Variants in MAP3K20 observed in about 807,000 individuals in gnomAD.
MAP3K20 encodes the protein HCCS-4.
Under a neutral mutation model 85.7 loss-of-function variants are expected in MAP3K20, and 40 were observed. The observed-to-expected ratio is 0.47, with a 90% CI of 0.36 to 0.61. The LOEUF is 0.61. Ranked by LOEUF, MAP3K20 falls within the 20% of genes least tolerant of loss-of-function variation. The probability of loss-of-function intolerance (pLI) is 0.00; values close to 1 mark genes in which losing one functional copy is unlikely to be tolerated. For missense variants in MAP3K20, 817 were observed against 961.7 expected, an observed-to-expected ratio of 0.85 and a Z score of 1.99; for synonymous variants, 325 against 327.7, an observed-to-expected ratio of 0.99 and a Z score of 0.09.
At chr2:173,085,905 C>T (rs2106141195) in intron 1 of MAP3K20, among the ~76,000 whole-genome samples, 1 of 139,900 alleles carries the variant, frequency 7.1e-6, no homozygotes, top group African/African-American at 2.6e-5. Flanking sequence ...GAGCAATTCT[C>T]CTGCCTCAAC....
intron 2 of MAP3K20, among the ~76,000 whole-genome samples, chr2:173,099,082 G>A (rs569011864): frequency 6.6e-6 from 1 of 152,150 alleles, no homozygotes; most frequent in Non-Finnish European, 1.5e-5. Context: ...GTCAAAAAGT[G>A]GCGGAGAGGT....
chr2:173,087,905 A>G (rs1687186177), intron 1 of MAP3K20, among the ~76,000 whole-genome samples: 1 of 152,140 alleles, frequency 6.6e-6, no homozygotes, highest in South Asian at 2.1e-4. Context: ...GCGAAATCCA[A>G]AGACAAGGTT....
chr2:173,140,245 C>T (rs911496663), intron 2 of MAP3K20, among the ~76,000 whole-genome samples: 1 of 152,076 alleles, frequency 6.6e-6, no homozygotes, highest in Non-Finnish European at 1.5e-5. Flanking sequence ...CTCATGACCT[C>T]GTGATCCACC....
intron 11 of MAP3K20, chr2:173,225,210 G>C: frequency 1.1e-6 from 1 of 921,926 alleles, no homozygotes; most frequent in Non-Finnish European, 1.3e-6. Context: ...CACATTTTTG[G>C]TTGTCACAGC....
intron 8 of MAP3K20, among the ~76,000 whole-genome samples, chr2:173,199,633 C>T (rs889547859): frequency 5.4e-5 from 8 of 147,960 alleles, no homozygotes; most frequent in African/African-American, 1.5e-4. Context: ...TCCCTCTGCA[C>T]TATTCCAAGA....
At chr2:173,163,389 G>T (rs898410626) in intron 2 of MAP3K20, among the ~76,000 whole-genome samples, 10 of 152,158 alleles carry the variant, frequency 6.6e-5, no homozygotes, top group Admixed American at 1.3e-4. Flanking sequence ...CTGGTTTTCT[G>T]TTCCTGCCTT....
intron 2 of MAP3K20, among the ~76,000 whole-genome samples, chr2:173,160,624 C>G (rs749332444): frequency 2.0e-5 from 3 of 152,176 alleles, no homozygotes; most frequent in Non-Finnish European, 4.4e-5. Context: ...AAGGGAAGTT[C>G]TCCCTACATC....
At position 173,266,186 on chromosome 2, in the gene MAP3K20, T is replaced by C; in HGVS notation, c.1839T>C (p.Ala613=). 1 of 1,614,142 alleles carries C rather than the reference T, an allele frequency of 6.2e-7. No individual in the cohort carries two copies. Among genetic ancestry groups the C allele is most frequent in the Non-Finnish European group, 8.5e-7 (1 of 1,180,018 alleles). ...TTGATGGCCAGGATTCCTACGCTGCTGCTGTGAGACGGCCCCAGGTGCCCA... is the reference window on the plus strand; with the variant it reads ...TTGATGGCCAGGATTCCTACGCTGCCGCTGTGAGACGGCCCCAGGTGCCCA... ...SHFDGQDSYA[A]AVRRPQVPIK... is the part of the protein sequence containing the mutation. Residue 613 remains alanine, a synonymous_variant, in exon 20 of 20, where the codon GCT becomes GCC. Coordinates refer to ENST00000375213, the MANE Select transcript of MAP3K20 (RefSeq NM_016653.3).
chr2:173,232,453 C>T lies in MAP3K20; in HGVS notation c.1197C>T (p.His399=). ...TTGTCTCCAAGGGGCATATCATTCA[C>T]TTCAAGGTACCTGAGAAAGGGACAA... ...MGIVSKGHII[H]FKSAIEKLTH... is the part of the protein sequence containing the mutation. Residue 399 remains histidine, a synonymous_variant, in exon 14 of 20, where the codon CAC becomes CAT. Transcript: ENST00000375213. 1 of 1,611,904 alleles carries T rather than the reference C, an allele frequency of 6.2e-7. No individual in the cohort carries two copies. Among genetic ancestry groups the T allele is most frequent in the Non-Finnish European group, 8.5e-7 (1 of 1,179,482 alleles).
chr2:173,230,627 G>A (rs1027092335), intron 12 of MAP3K20, among the ~76,000 whole-genome samples: 10 of 152,290 alleles, frequency 6.6e-5, no homozygotes, highest in Middle Eastern at 6.8e-3. Flanking sequence ...GAAACCCTGA[G>A]AAACAATCCA....
intron 2 of MAP3K20, among the ~76,000 whole-genome samples, chr2:173,091,566 C>T (rs1687301189): frequency 6.6e-6 from 1 of 152,132 alleles, no homozygotes; most frequent in South Asian, 2.1e-4. Context: ...TATACCCTTT[C>T]CATTTTCTCT....
chr2:173,129,279 TACTA>T (rs1322429174), intron 2 of MAP3K20, among the ~76,000 whole-genome samples: 2 of 152,230 alleles, frequency 1.3e-5, no homozygotes, highest in African/African-American at 4.8e-5. Flanking sequence ...TATGAATACT[TACTA>T]ACAGTTTTTT....
At chr2:173,159,221 C>A (rs1689569658) in intron 2 of MAP3K20, among the ~76,000 whole-genome samples, 1 of 152,120 alleles carries the variant, frequency 6.6e-6, no homozygotes. Flanking sequence ...TGGGGATTTT[C>A]TTTGGGGATA....
chr2:173,194,385 G>A (rs1463084140), intron 7 of MAP3K20, among the ~76,000 whole-genome samples: 1 of 152,038 alleles, frequency 6.6e-6, no homozygotes, highest in Non-Finnish European at 1.5e-5. Context: ...ATTAATGAGA[G>A]AAAAAATACG....
At chr2:173,178,239 A>T (rs1690222769) in intron 3 of MAP3K20, among the ~76,000 whole-genome samples, 1 of 152,248 alleles carries the variant, frequency 6.6e-6, no homozygotes, top group African/African-American at 2.4e-5. Context: ...TTATAAAGAA[A>T]TGTTATGACA....
At chr2:173,128,541 A>G (rs1203638200) in intron 2 of MAP3K20, among the ~76,000 whole-genome samples, 3 of 152,114 alleles carry the variant, frequency 2.0e-5, no homozygotes, top group African/African-American at 2.4e-5. Context: ...CATGTTGGCC[A>G]GGCTGGTCTC....
intron 2 of MAP3K20, among the ~76,000 whole-genome samples, chr2:173,133,458 A>G (rs1688674036): frequency 6.6e-6 from 1 of 152,218 alleles, no homozygotes; most frequent in Admixed American, 6.5e-5. Context: ...TCTGTCATAC[A>G]TTAGAATTTT....
chr2:173,214,219 T>C (rs1196199506), intron 10 of MAP3K20: 1 of 152,176 alleles, frequency 6.6e-6, no homozygotes, highest in African/African-American at 2.4e-5. Context: ...GAACAAAATC[T>C]AGTGTCAGAC....
Position 173,266,299 on chromosome 2 carries a change from A to G in MAP3K20, c.1952A>G (p.His651Arg), listed in dbSNP as rs201855969. The change falls in exon 20 of 20, where the codon CAT (histidine) becomes CGT (arginine). Residue 651 changes from histidine to arginine, a missense_variant. Physicochemically the swap from His to Arg is conservative, Grantham distance 29. Around this residue, in one of 4 missense-constraint regions of MAP3K20, gnomAD observed 454 missense variants for 476.9 expected, o/e 0.95. Coordinates refer to ENST00000375213, the MANE Select transcript of MAP3K20 (RefSeq NM_016653.3). Reference sequence around the variant, plus strand: ...CTGACCAAAAACTTCTCTTCCCTACATCTCAACTCTAGGGACAGTGGCTTT... The same window carrying G: ...CTGACCAAAAACTTCTCTTCCCTACGTCTCAACTCTAGGGACAGTGGCTTT... The part of the protein sequence containing the change: ...YGLTKNFSSL[H>R]LNSRDSGFSS... 1.7e-4 allele frequency: 272 copies of G among 1,614,016 alleles called. 4 individuals are homozygous for G. The East Asian group carries it at 6.0e-3, about 36-fold the overall frequency.
Sources: allele counts gnomAD v4.1 joint callset (sites outside exome capture counted in the v4.1 genomes callset), GRCh38; gene constraint gnomAD v4.1.1; regional missense constraint gnomAD v4.1.1; transcripts MANE v1.5; gene names NCBI Gene and HGNC (gene_info 2026-07-23, HGNC 2026-07-21).